Variants in RALA observed in about 807,000 individuals in gnomAD.
RALA encodes the protein RAS like proto-oncogene A.
In RALA, 5 loss-of-function variants were observed where a neutral mutation model predicts 24.0. That is an observed-to-expected ratio of 0.21 (90% CI 0.11 to 0.44). The LOEUF is 0.44. Among genes scored for constraint, RALA ranks in the 20% least tolerant of loss-of-function variants. RALA has a pLI of 0.99. For synonymous variants in RALA, 77 were observed against 83.8 expected, an observed-to-expected ratio of 0.92 and a Z score of 0.44; for missense variants, 95 against 241.2, an observed-to-expected ratio of 0.39 and a Z score of 4.01.
intron 1 of RALA, among the ~76,000 whole-genome samples, chr7:39,634,502 G>T (rs2115924020): frequency 6.6e-6 from 1 of 152,192 alleles, no homozygotes; most frequent in South Asian, 2.1e-4. Flanking sequence ...ACCATTTTTA[G>T]TCTGAGGGAA....
intron 1 of RALA, among the ~76,000 whole-genome samples, chr7:39,676,096 C>A (rs1452484088): frequency 1.3e-5 from 2 of 152,150 alleles, no homozygotes; most frequent in African/African-American, 4.8e-5. Flanking sequence ...CTGCCTCAGC[C>A]TCCCGAGTAG....
chr7:39,628,349 G>C (rs1377035923), intron 1 of RALA, among the ~76,000 whole-genome samples: 1 of 149,756 alleles, frequency 6.7e-6, no homozygotes, highest in Non-Finnish European at 1.5e-5. Flanking sequence ...AAATTTTGTT[G>C]ACAGCAGTCC....
At chr7:39,641,553 T>C (rs1039160644) in intron 1 of RALA, among the ~76,000 whole-genome samples, 1 of 152,216 alleles carries the variant, frequency 6.6e-6, no homozygotes, top group Admixed American at 6.5e-5. Context: ...TCCTACAGAT[T>C]ACTGAAATCA....
chr7:39,627,076 TC>T (rs1220075079), intron 1 of RALA, among the ~76,000 whole-genome samples: 3 of 142,902 alleles, frequency 2.1e-5, no homozygotes, highest in African/African-American at 8.6e-5. Flanking sequence ...TCTCTCTCTC[TC>T]TTTTTTTTTT....
intron 1 of RALA, among the ~76,000 whole-genome samples, chr7:39,672,637 A>T (rs1792409536): frequency 7.7e-6 from 1 of 129,440 alleles, no homozygotes; most frequent in Non-Finnish European, 1.6e-5. Context: ...ACAATGGAAT[A>T]CTATTCAGTC....
chr7:39,678,954 G>A (rs1225231636), intron 1 of RALA, among the ~76,000 whole-genome samples: 1 of 151,880 alleles, frequency 6.6e-6, no homozygotes, highest in Non-Finnish European at 1.5e-5. Context: ...AGACAACCTT[G>A]TGTTACCATT....
intron 2 of RALA, among the ~76,000 whole-genome samples, chr7:39,687,546 G>C (rs1457839787): frequency 2.0e-5 from 3 of 152,182 alleles, no homozygotes; most frequent in Admixed American, 2.0e-4. Flanking sequence ...TTACCACACA[G>C]GTTACAGATT....
At chr7:39,654,566 A>G (rs528777116) in intron 1 of RALA, among the ~76,000 whole-genome samples, 12 of 152,290 alleles carry the variant, frequency 7.9e-5, no homozygotes, top group South Asian at 4.1e-4. Flanking sequence ...CAACTTATCA[A>G]TTTCATAGAT....
chr7:39,669,150 G>A (rs542650770), intron 1 of RALA, among the ~76,000 whole-genome samples: 12 of 152,140 alleles, frequency 7.9e-5, no homozygotes, highest in East Asian at 3.9e-4. Context: ...CAAGTGGGAC[G>A]TAAGTAGTAA....
chr7:39,686,196 A>C (rs1438248730), intron 1 of RALA, among the ~76,000 whole-genome samples: 1 of 135,882 alleles, frequency 7.4e-6, no homozygotes. Flanking sequence ...ACAGAGCGAG[A>C]CTCCGTCTCA....
chr7:39,684,196 G>T lies in RALA; in HGVS notation c.-37-2435G>T, dbSNP rs558405411. On this transcript the variant is annotated intron_variant, in intron 1 of 4. Transcript: ENST00000005257. The stretch of plus-strand genomic sequence containing the variant: ...TAAAAGAGTGGCTGAATTTGTGTTT[G>T]TTGAGTTAAATTGAACTCTTAGCCT... 3.3e-5 allele frequency among the ~76,000 whole-genome samples: 5 copies of T among 152,262 alleles called. No homozygotes were observed. In the East Asian group the frequency reaches 9.6e-4, roughly 29 times the overall value.
intron 1 of RALA, among the ~76,000 whole-genome samples, chr7:39,677,301 G>A (rs369611865): frequency 6.6e-5 from 10 of 151,654 alleles, no homozygotes; most frequent in East Asian, 3.9e-4. Flanking sequence ...GAGAATATGC[G>A]GTGTTTGGTT....
At chr7:39,668,755 C>T (rs1229245056) in intron 1 of RALA, among the ~76,000 whole-genome samples, 2 of 148,868 alleles carry the variant, frequency 1.3e-5, no homozygotes, top group South Asian at 2.1e-4. Context: ...CGAGATCGCA[C>T]CATTGCACTC....
chr7:39,672,649 T>TAAA lies in RALA; in HGVS notation c.-37-13969_-37-13967dup, dbSNP rs35948897. Among the ~76,000 whole-genome samples, 129 of 141,526 alleles carry TAAA rather than the reference T, an allele frequency of 9.1e-4. 1 individual carries two copies. The highest frequency in any genetic ancestry group is 3.1e-3 in the African/African-American group (119 of 38,462). 92.8% of individuals were successfully genotyped at this position (141,526 alleles called of 152,430 possible). A position where few individuals can be genotyped will look rare whatever the true frequency, so the allele number is the denominator to read the frequency against. ...CAGACAATGGAATACTATTCAGTCG[T>TAAA]AAAAAAAAAAAAAAAGATGCATGCA... On this transcript the variant is annotated intron_variant, in intron 1 of 4. Transcript: ENST00000005257.
intron 4 of RALA, among the ~76,000 whole-genome samples, chr7:39,701,177 C>G (rs766705577): frequency 6.6e-6 from 1 of 152,238 alleles, no homozygotes. Context: ...CTGGCCAACT[C>G]TGGCGCTCAC....
Position 39,633,635 on chromosome 7 carries a change from G to T in RALA, c.-38+9810G>T, listed in dbSNP as rs951959689. On this transcript the variant is annotated intron_variant, in intron 1 of 4. Coordinates refer to ENST00000005257, the MANE Select transcript of RALA (RefSeq NM_005402.4). ...GTGGGGACACAGCCACACCCTATCA[G>T]CAGGTTTGTAATTAGATGAGTTTAT... Among the ~76,000 whole-genome samples, 4 of 152,188 alleles carry T rather than the reference G, an allele frequency of 2.6e-5. No homozygotes were observed. The South Asian group carries it at 8.3e-4, about 31-fold the overall frequency.
intron 4 of RALA, among the ~76,000 whole-genome samples, chr7:39,702,511 GTAT>G (rs1190138890): frequency 6.6e-6 from 1 of 152,158 alleles, no homozygotes; most frequent in East Asian, 1.9e-4. Flanking sequence ...AAACCACAAA[GTAT>G]TCCATGGTTA....
chr7:39,698,217 G>A (rs1583759266), intron 4 of RALA, among the ~76,000 whole-genome samples: 1 of 152,036 alleles, frequency 6.6e-6, no homozygotes, highest in African/African-American at 2.4e-5. Context: ...ACGTAATTAC[G>A]ACCCAAAGGC....
At chr7:39,677,903 G>A (rs1196063604) in intron 1 of RALA, among the ~76,000 whole-genome samples, 1 of 139,900 alleles carries the variant, frequency 7.1e-6, no homozygotes, top group African/African-American at 2.7e-5. Flanking sequence ...GGGGTTGTTT[G>A]TTTTTTTCTT....
Sources: gnomAD v4.1 joint callset for allele counts (sites outside exome capture counted in the v4.1 genomes callset) on GRCh38, gnomAD v4.1.1 for gene constraint, MANE v1.5 for transcripts, NCBI Gene and HGNC (gene_info 2026-07-23, HGNC 2026-07-21) for gene names.